THAP4: variants seen among roughly 807,000 people sequenced by gnomAD.
The protein encoded by THAP4 is peroxynitrite isomerase THAP4.
A neutral mutation model predicts 48.1 loss-of-function variants in THAP4; 18 were observed. That is an observed-to-expected ratio of 0.37 (90% confidence interval 0.26 to 0.56). THAP4 has a LOEUF of 0.56. Ranked by LOEUF, THAP4 falls within the 20% of genes least tolerant of loss-of-function variation. The pLI, the probability that THAP4 is intolerant of heterozygous loss-of-function variation, is 0.78. For missense variants in THAP4, 656 were observed against 774.9 expected, an observed-to-expected ratio of 0.85 and a Z score of 1.82; for synonymous variants, 345 against 324.9, an observed-to-expected ratio of 1.06 and a Z score of -0.66.
chr2:241,636,875 G>C (rs1399938600), intron 1 of THAP4, 66 bp downstream of exon 1: 27 of 966,662 alleles, frequency 2.8e-5, no homozygotes, highest in Non-Finnish European at 3.4e-5. Flanking sequence ...CGGGCCGGCC[G>C]CGGGGCCTCA....
intron 2 of THAP4, among the ~76,000 whole-genome samples, chr2:241,630,188 A>C (rs1389962979): frequency 6.6e-6 from 1 of 150,882 alleles, no homozygotes; most frequent in Non-Finnish European, 1.5e-5. Flanking sequence ...ACAGGGTTAA[A>C]GGGGGCATCG....
At chr2:241,605,433 T>C (rs1210388494) in intron 3 of THAP4, among the ~76,000 whole-genome samples, 1 of 152,200 alleles carries the variant, frequency 6.6e-6, no homozygotes, top group Non-Finnish European at 1.5e-5. Flanking sequence ...GTATTACTTC[T>C]ATAATTAAAA....
Position 241,584,797 on chromosome 2 carries a change from C to T in THAP4, c.1615-72G>A, listed in dbSNP as rs1575012921. ...GATTCAATCAATGCCTGTGCGCCCA[C>T]TGCATGCCACACACTCATCACGGGC... On this transcript the variant is annotated intron_variant, in intron 5 of 5. Coordinates refer to ENST00000407315, the MANE Select transcript of THAP4 (RefSeq NM_015963.6). 1.3e-5 allele frequency: 21 copies of T among 1,572,400 alleles called. No individual in the cohort carries two copies. The Admixed American group carries it at 3.4e-4, about 25-fold the overall frequency.
chr2:241,590,302 G>C (rs2066944857), intron 5 of THAP4, among the ~76,000 whole-genome samples: 2 of 151,814 alleles, frequency 1.3e-5, no homozygotes, highest in Admixed American at 6.6e-5. Flanking sequence ...CCCGGCTGAT[G>C]ATGAGGGGCA....
At chr2:241,586,415 A>C (rs1261187474) in intron 5 of THAP4, among the ~76,000 whole-genome samples, 1 of 152,148 alleles carries the variant, frequency 6.6e-6, no homozygotes, top group Non-Finnish European at 1.5e-5. Context: ...TCCTTGACCA[A>C]CAGGCAGAAG....
intron 2 of THAP4, among the ~76,000 whole-genome samples, chr2:241,620,522 G>C (rs1197761636): frequency 6.9e-6 from 1 of 145,416 alleles, no homozygotes; most frequent in South Asian, 2.3e-4. Context: ...GTGAGTGAGG[G>C]GTGAGTGAGT....
At chr2:241,613,367 A>G (rs2067301422) in intron 2 of THAP4, among the ~76,000 whole-genome samples, 2 of 152,070 alleles carry the variant, frequency 1.3e-5, no homozygotes, top group South Asian at 4.1e-4. Context: ...CTCAACTCAT[A>G]GGACCCTTGA....
Position 241,610,032 on chromosome 2 carries a change from A to G in THAP4, c.1241-3559T>C, listed in dbSNP as rs1575028078. 6.6e-6 allele frequency among the ~76,000 whole-genome samples: 1 copy of G among 151,100 alleles called. No homozygotes were observed. The highest frequency in any genetic ancestry group is 6.6e-5 in the Admixed American group (1 of 15,182). On this transcript the variant is annotated intron_variant, in intron 2 of 5. Coordinates refer to ENST00000407315, the MANE Select transcript of THAP4 (RefSeq NM_015963.6). The surrounding 1 kb of genome is among the most constrained non-coding windows in gnomAD (Gnocchi z 4.2). ...CTGCTGCACCGGGGCCGCGATCTCC[A>G]CCCCTCACGCCCGAGTCCCCGGCAC...
intron 2 of THAP4, among the ~76,000 whole-genome samples, chr2:241,614,447 G>C (rs2067314013): frequency 6.6e-6 from 1 of 152,172 alleles, no homozygotes; most frequent in Non-Finnish European, 1.5e-5. Context: ...AATTACTGAT[G>C]ACACACGAAG....
intron 2 of THAP4, among the ~76,000 whole-genome samples, chr2:241,624,414 G>T (rs544514215): frequency 6.6e-6 from 1 of 152,132 alleles, no homozygotes; most frequent in South Asian, 2.1e-4. Context: ...TTGAACCCAG[G>T]GGGCAGAGGT....
intron 2 of THAP4, among the ~76,000 whole-genome samples, chr2:241,615,487 G>A (rs182078013): frequency 2.6e-5 from 4 of 152,344 alleles, no homozygotes; most frequent in Non-Finnish European, 2.9e-5. Flanking sequence ...GATGTGGTGG[G>A]GAGTGAGGTC....
intron 5 of THAP4, among the ~76,000 whole-genome samples, chr2:241,598,084 A>G (rs1167509589): frequency 1.3e-5 from 2 of 152,222 alleles, no homozygotes; most frequent in African/African-American, 4.8e-5. Flanking sequence ...GAAGTGACAT[A>G]GAACAGCACA....
rs761442176 is a variant in THAP4 at position 241,633,647 on chromosome 2, AGCTTGCTGGGCCTGCTCCTGGCTGGCG to A, written c.483_509del (p.Ala162_Ala170del). ...GTCCATCTCCTGGAGTCCGTTCCAG[AGCTTGCTGGGCCTGCTCCTGGCTGGCG>A]GCCTCCTGGGCCGCCCTGGGTGTGG... On this transcript the variant is annotated inframe_deletion, in exon 2 of 6. Transcript: ENST00000407315. The surrounding 1 kb of genome is among the most constrained non-coding windows in gnomAD (Gnocchi z 7.5). 3 of 1,612,484 alleles carry A rather than the reference AGCTTGCTGGGCCTGCTCCTGGCTGGCG, an allele frequency of 1.9e-6. No individual in the cohort carries two copies. Among genetic ancestry groups the A allele is most frequent in the Non-Finnish European group, 2.5e-6 (3 of 1,179,924 alleles).
intron 2 of THAP4, among the ~76,000 whole-genome samples, chr2:241,613,732 G>A (rs2067305757): frequency 6.6e-6 from 1 of 152,068 alleles, no homozygotes; most frequent in South Asian, 2.1e-4. Context: ...TCCAACCTGG[G>A]TGACAGAGCG....
Position 241,601,763 on chromosome 2 carries a change from A to G in THAP4, c.1614+133T>C, listed in dbSNP as rs559068637. On this transcript the variant is annotated intron_variant, in intron 5 of 5. Transcript: ENST00000407315. This position sits in a 1 kb window ranked among gnomAD's most constrained non-coding sequence, Gnocchi z 4.0. Reference sequence around the variant, plus strand: ...CCTGGATGGTCCGAGAAGGGAAAAGAAGGAGACAGTGAAGACAGGCCTGTG... The same window carrying G: ...CCTGGATGGTCCGAGAAGGGAAAAGGAGGAGACAGTGAAGACAGGCCTGTG... 1.9e-5 allele frequency: 28 copies of G among 1,510,328 alleles called. No individual in the cohort carries two copies. The highest frequency in any genetic ancestry group is 1.0e-4 in the Admixed American group (5 of 50,042). The allele number at this position is 1,510,328 out of a possible 1,614,324, so 93.6% of individuals were successfully genotyped here.
chr2:241,628,335 A>C (rs1575038516), intron 2 of THAP4, among the ~76,000 whole-genome samples: 2 of 142,588 alleles, frequency 1.4e-5, no homozygotes, highest in African/African-American at 2.6e-5. Flanking sequence ...CCACCCCCAC[A>C]CTCACATGCC....
At chr2:241,607,329 T>C (rs1452095880) in intron 2 of THAP4, among the ~76,000 whole-genome samples, 1 of 151,840 alleles carries the variant, frequency 6.6e-6, no homozygotes, top group Non-Finnish European at 1.5e-5. Context: ...CCGAGCGGCT[T>C]TTCAGGATTC....
At chr2:241,619,621 G>C (rs143743246) in intron 2 of THAP4, among the ~76,000 whole-genome samples, 2 of 152,366 alleles carry the variant, frequency 1.3e-5, no homozygotes, top group Non-Finnish European at 2.9e-5. Context: ...GCACTTACCA[G>C]CACTGGAGTG....
intron 3 of THAP4, among the ~76,000 whole-genome samples, chr2:241,605,814 T>A (rs2067175983): frequency 6.6e-6 from 1 of 151,686 alleles, no homozygotes; most frequent in Non-Finnish European, 1.5e-5. Context: ...CCTCCCTGGG[T>A]TCAAGCAATC....
Sources: gnomAD v4.1 joint callset for allele counts (sites outside exome capture counted in the v4.1 genomes callset) on GRCh38, gnomAD v4.1.1 for gene constraint, Gnocchi (gnomAD v3.1) non-coding constraint, MANE v1.5 for transcripts, NCBI Gene and HGNC (gene_info 2026-07-23, HGNC 2026-07-21) for gene names.